WASF2: variants seen among roughly 807,000 people sequenced by gnomAD.
WASF2 encodes the protein WASP family member 2.
In WASF2, 14 loss-of-function variants were observed where a neutral mutation model predicts 45.0. The ratio of observed to expected loss-of-function variants is 0.31; its 90% CI spans 0.21 to 0.49. WASF2 has a LOEUF of 0.49. Ranked by LOEUF, WASF2 falls within the 20% of genes least tolerant of loss-of-function variation. WASF2 has a pLI of 0.99. For missense variants in WASF2, 439 were observed against 636.1 expected, an observed-to-expected ratio of 0.69 and a Z score of 3.33; for synonymous variants, 200 against 236.3, an observed-to-expected ratio of 0.85 and a Z score of 1.41.
At chr1:27,464,602 C>T (rs1224210810) in intron 1 of WASF2, among the ~76,000 whole-genome samples, 3 of 152,202 alleles carry the variant, frequency 2.0e-5, no homozygotes, top group Non-Finnish European at 4.4e-5. Flanking sequence ...AGCCCTCATA[C>T]ACCTGGGTCC....
chr1:27,484,076 AG>A (rs2017891059), intron 1 of WASF2, among the ~76,000 whole-genome samples: 1 of 152,208 alleles, frequency 6.6e-6, no homozygotes, highest in Admixed American at 6.5e-5. Context: ...TACCATTCTT[AG>A]GAACTATGGA....
Position 27,427,000 on chromosome 1 carries a change from G to T in WASF2, c.130+1761C>A, listed in dbSNP as rs544793708. ...CTCTCTTCCCATTCTCTCCTCTTAGGAATTATTTATTTCTGCCTCCCCTTG... is the reference window on the plus strand; with the variant it reads ...CTCTCTTCCCATTCTCTCCTCTTAGTAATTATTTATTTCTGCCTCCCCTTG... On this transcript the variant is annotated intron_variant, in intron 2 of 8. Transcript: ENST00000618852. Among the ~76,000 whole-genome samples the T allele has an allele frequency of 3.3e-5, 5 of 152,232 alleles. No individual in the cohort carries two copies. In the South Asian group the frequency reaches 1.0e-3, roughly 32 times the overall value.
intron 1 of WASF2, among the ~76,000 whole-genome samples, chr1:27,440,721 C>T (rs753405112): frequency 3.6e-4 from 54 of 151,674 alleles, no homozygotes; most frequent in Non-Finnish European, 5.2e-4. Context: ...AAGGTGGACA[C>T]GGTGGTCTTT....
At chr1:27,470,731 G>A (rs1039955738) in intron 1 of WASF2, among the ~76,000 whole-genome samples, 3 of 152,150 alleles carry the variant, frequency 2.0e-5, no homozygotes, top group African/African-American at 7.2e-5. Flanking sequence ...TTCCTCACAA[G>A]GTTCTGAAGA....
chr1:27,476,062 C>T (rs749869729), intron 1 of WASF2, among the ~76,000 whole-genome samples: 1 of 152,208 alleles, frequency 6.6e-6, no homozygotes, highest in Non-Finnish European at 1.5e-5. Context: ...AGGCACTTAA[C>T]ACATCTGTTG....
At chr1:27,461,766 G>A (rs540915431) in intron 1 of WASF2, among the ~76,000 whole-genome samples, 103 of 151,718 alleles carry the variant, frequency 6.8e-4, no homozygotes, top group Non-Finnish European at 1.0e-3. Context: ...GAGCCACCGC[G>A]CCTGGCCCAC....
intron 1 of WASF2, among the ~76,000 whole-genome samples, chr1:27,484,395 A>G (rs2017895142): frequency 6.6e-6 from 1 of 152,202 alleles, no homozygotes; most frequent in East Asian, 1.9e-4. Context: ...AAAATACTCA[A>G]AATTAAATGT....
chr1:27,443,746 A>G (rs9438563), intron 1 of WASF2, among the ~76,000 whole-genome samples: 129,270 of 152,136 alleles, frequency 0.85, 55,481 homozygotes, highest in Admixed American at 0.92. Flanking sequence ...TCCATAAAAT[A>G]GGGAAAATAC....
chr1:27,430,674 T>C (rs1316476844), intron 1 of WASF2, among the ~76,000 whole-genome samples: 1 of 152,146 alleles, frequency 6.6e-6, no homozygotes, highest in Non-Finnish European at 1.5e-5. Context: ...GGTCTCACTC[T>C]GTCATCCAGT....
chr1:27,476,625 A>G (rs1250114805), intron 1 of WASF2, among the ~76,000 whole-genome samples: 1 of 152,206 alleles, frequency 6.6e-6, no homozygotes, highest in Non-Finnish European at 1.5e-5. Context: ...TTCTGAAAAG[A>G]GCAAATAAGT....
Position 27,475,684 on chromosome 1 carries a change from G to A in WASF2, c.-44+14302C>T, listed in dbSNP as rs537533054. On this transcript the variant is annotated intron_variant, in intron 1 of 8. Coordinates refer to ENST00000618852, the MANE Select transcript of WASF2 (RefSeq NM_006990.5). Reference sequence around the variant, plus strand: ...CCTCTGTTGCCCAGGCTGGAGTGCAGTGGCATAATCTTGGCTCATTGCAAC... The same window carrying A: ...CCTCTGTTGCCCAGGCTGGAGTGCAATGGCATAATCTTGGCTCATTGCAAC... 2.6e-5 allele frequency among the ~76,000 whole-genome samples: 4 copies of A among 152,278 alleles called. No individual in the cohort carries two copies. In the South Asian group the frequency reaches 8.3e-4, roughly 32 times the overall value.
At chr1:27,488,996 T>C (rs1011489188) in intron 1 of WASF2, among the ~76,000 whole-genome samples, 4 of 152,020 alleles carry the variant, frequency 2.6e-5, no homozygotes, top group Admixed American at 1.3e-4. Context: ...TAAAAGTTCT[T>C]CCTCTTCCTT....
intron 2 of WASF2, among the ~76,000 whole-genome samples, chr1:27,422,203 C>T (rs1285503290): frequency 2.0e-5 from 3 of 152,000 alleles, no homozygotes; most frequent in Non-Finnish European, 1.5e-5. Flanking sequence ...AAACTGGTAA[C>T]AATAAGATCT....
At chr1:27,431,526 G>T (rs1250522818) in intron 1 of WASF2, among the ~76,000 whole-genome samples, 1 of 152,170 alleles carries the variant, frequency 6.6e-6, no homozygotes, top group African/African-American at 2.4e-5. Context: ...GGAATGACTG[G>T]AAACAGCCAC....
chr1:27,447,044 G>T (rs2017320163), intron 1 of WASF2, among the ~76,000 whole-genome samples: 1 of 152,006 alleles, frequency 6.6e-6, no homozygotes, highest in African/African-American at 2.4e-5. Flanking sequence ...CTTGAAAATG[G>T]GCTTTGACAC....
intron 2 of WASF2, among the ~76,000 whole-genome samples, chr1:27,423,899 G>A (rs528801292): frequency 9.9e-5 from 15 of 152,024 alleles, no homozygotes; most frequent in East Asian, 9.7e-4. Context: ...CACCCACACT[G>A]CAGTCAGTTA....
At chr1:27,408,891 G>C (rs2016716069) in intron 8 of WASF2, among the ~76,000 whole-genome samples, 1 of 152,084 alleles carries the variant, frequency 6.6e-6, no homozygotes, top group African/African-American at 2.4e-5. Context: ...AAAGGAGTTA[G>C]AAAGAGGGCA....
At chr1:27,455,879 C>T (rs7531313) in intron 1 of WASF2, among the ~76,000 whole-genome samples, 128,470 of 152,076 alleles carry the variant, frequency 0.84, 54,883 homozygotes, top group Admixed American at 0.92. Flanking sequence ...AGTTGGAACA[C>T]GAAGACTGTG....
intron 1 of WASF2, among the ~76,000 whole-genome samples, chr1:27,460,515 T>A (rs2017529894): frequency 6.6e-6 from 1 of 152,196 alleles, no homozygotes; most frequent in Non-Finnish European, 1.5e-5. Flanking sequence ...CCAAGAGGTA[T>A]CCTTTCAGGG....
Sources: allele counts gnomAD v4.1 joint callset (sites outside exome capture counted in the v4.1 genomes callset), GRCh38; gene constraint gnomAD v4.1.1; transcripts MANE v1.5; gene names NCBI Gene and HGNC (gene_info 2026-07-23, HGNC 2026-07-21).